The following SEMA6A variants were observed in gnomAD, a reference collection of about 807,000 sequenced individuals.
SEMA6A encodes semaphorin-6A.
Under a neutral mutation model 96.8 loss-of-function variants are expected in SEMA6A, and 25 were observed. The observed-to-expected ratio is 0.26, with a 90% confidence interval of 0.19 to 0.36. The LOEUF (loss-of-function observed/expected upper bound fraction) is 0.36. Among genes scored for constraint, SEMA6A ranks in the 10% least tolerant of loss-of-function variants. SEMA6A has a pLI of 1.00. For missense variants in SEMA6A, 1,363 were observed against 1,323.1 expected (o/e 1.03, Z -0.47); for synonymous variants, 612 against 518.0 (o/e 1.18, Z -2.46).
rs745915422 is a variant in SEMA6A, at chr5:116,504,932, C to T, written c.13G>A (p.Ala5Thr). The change falls in exon 2 of 19, where the codon GCC (alanine) becomes ACC (threonine). Residue 5 changes from alanine (A) to threonine (T), a missense_variant. Ala to Thr is a moderately conservative substitution (Grantham distance 58). Coordinates refer to ENST00000343348, the MANE Select transcript of SEMA6A (RefSeq NM_020796.5). ...AGCAGTGTGAAATATAGCAGCAAGG[C>T]TTCTGACCTCATAGTAGTTCAGCGG... MRSE[A>T]LLLYFTLLHF... The T allele has an allele frequency of 8.1e-6, 13 of 1,595,832 alleles. No homozygotes were observed. The highest frequency in any genetic ancestry group is 1.1e-5 in the Non-Finnish European group (13 of 1,170,904).
chr5:116,507,691 A>T (rs1050000338), intron 1 of SEMA6A, among the ~76,000 whole-genome samples: 4 of 152,226 alleles, frequency 2.6e-5, no homozygotes, highest in African/African-American at 9.6e-5. Context: ...TATAACTTAG[A>T]CTTAAGCAGC....
intron 18 of SEMA6A, among the ~76,000 whole-genome samples, chr5:116,460,717 T>A (rs770146048): frequency 1.3e-5 from 2 of 152,110 alleles, no homozygotes; most frequent in Non-Finnish European, 2.9e-5. Context: ...AACAGTGTGC[T>A]TTAAATGACT....
At chr5:116,462,522 C>A (rs7704579) in intron 18 of SEMA6A, among the ~76,000 whole-genome samples, 6 of 151,946 alleles carry the variant, frequency 3.9e-5, no homozygotes, top group African/African-American at 1.5e-4. Flanking sequence ...CTTAACAAGC[C>A]TAGAGTGGCT....
intron 3 of SEMA6A, among the ~76,000 whole-genome samples, chr5:116,501,440 T>G (rs556532698): frequency 1.2e-4 from 18 of 152,182 alleles, no homozygotes; most frequent in Non-Finnish European, 2.5e-4. Flanking sequence ...GAAATATATA[T>G]AATGCTTTCT....
intron 5 of SEMA6A, chr5:116,496,031 A>G: frequency 2.1e-6 from 1 of 485,848 alleles, no homozygotes; most frequent in South Asian, 2.2e-5. Flanking sequence ...TGTGCGCCTA[A>G]GTAGTTCATG....
chr5:116,455,167 G>A (rs1754930378), intron 18 of SEMA6A, among the ~76,000 whole-genome samples: 2 of 152,144 alleles, frequency 1.3e-5, no homozygotes, highest in Admixed American at 6.6e-5. Flanking sequence ...TTTTCCCTGT[G>A]TGCTGGGAAC....
At chr5:116,486,642 G>T in intron 10 of SEMA6A, 107 bp downstream of exon 10, 1 of 866,370 alleles carries the variant, frequency 1.2e-6, no homozygotes, top group Non-Finnish European at 1.9e-6. Flanking sequence ...TACACACAAT[G>T]AATGCAATTT....
chr5:116,554,142 A>C (rs991440870), intron 1 of SEMA6A, among the ~76,000 whole-genome samples: 3 of 152,196 alleles, frequency 2.0e-5, no homozygotes. Context: ...TGCATTGTAA[A>C]ACTACATCCT....
In SEMA6A at chr5:116,482,473, T is replaced by C. The variant is rs974820017; in HGVS notation, c.1065A>G (p.Pro355=). 6.2e-7 allele frequency: 1 copy of C among 1,613,402 alleles called. No individual in the cohort carries two copies. The highest frequency in any genetic ancestry group is 8.5e-7 in the Non-Finnish European group (1 of 1,179,640). ...EQKSPDSTWT[P]VPDERVPKPR... ...GCTTAGGAACTCGTTCATCAGGAACTGGTGTCCAGGTGGAATCAGGAGACT... is the reference window on the plus strand; with the variant it reads ...GCTTAGGAACTCGTTCATCAGGAACCGGTGTCCAGGTGGAATCAGGAGACT... Residue 355 remains proline (P), a synonymous_variant, in exon 11 of 19, where the codon CCA becomes CCG. Coordinates refer to ENST00000343348, the MANE Select transcript of SEMA6A (RefSeq NM_020796.5).
At chr5:116,454,387 G>A (rs977382501) in intron 18 of SEMA6A, among the ~76,000 whole-genome samples, 2 of 152,096 alleles carry the variant, frequency 1.3e-5, no homozygotes, top group African/African-American at 4.8e-5. Flanking sequence ...CAACTTGAGT[G>A]AATGGAATCT....
intron 18 of SEMA6A, among the ~76,000 whole-genome samples, chr5:116,464,715 G>A (rs188543638): frequency 2.0e-5 from 3 of 152,262 alleles, no homozygotes; most frequent in Admixed American, 1.3e-4. Flanking sequence ...TGTGAGGGAC[G>A]CACAGGATTA....
chr5:116,525,598 G>A (rs1033722838), intron 1 of SEMA6A, among the ~76,000 whole-genome samples: 4 of 152,118 alleles, frequency 2.6e-5, no homozygotes, highest in African/African-American at 9.7e-5. Context: ...AGCCTTCTGT[G>A]TCTTGCACTG....
At chr5:116,460,878 C>T (rs1755353135) in intron 18 of SEMA6A, among the ~76,000 whole-genome samples, 1 of 151,254 alleles carries the variant, frequency 6.6e-6, no homozygotes, top group Non-Finnish European at 1.5e-5. Context: ...CTCCACCTCC[C>T]TGGTTCAAGT....
chr5:116,563,309 A>G (rs1760892856), intron 1 of SEMA6A, among the ~76,000 whole-genome samples: 1 of 152,182 alleles, frequency 6.6e-6, no homozygotes, highest in South Asian at 2.1e-4. Context: ...AAAATTAGGA[A>G]TGGTTCCTCT....
chr5:116,505,459 GCA>G (rs35083865), intron 1 of SEMA6A, among the ~76,000 whole-genome samples: 68 of 127,904 alleles, frequency 5.3e-4, no homozygotes, highest in South Asian at 1.7e-3. Context: ...ACACGCACGC[GCA>G]CACACACACA....
At chr5:116,482,109 C>A (rs962480678) in intron 11 of SEMA6A, among the ~76,000 whole-genome samples, 16 of 151,778 alleles carry the variant, frequency 1.1e-4, no homozygotes, top group Non-Finnish European at 2.2e-4. Flanking sequence ...CAGCGGAAAT[C>A]ACCACCCCCA....
intron 18 of SEMA6A, among the ~76,000 whole-genome samples, chr5:116,462,225 C>T (rs1219081401): frequency 6.6e-6 from 1 of 152,090 alleles, no homozygotes; most frequent in African/African-American, 2.4e-5. Context: ...TAACTATACT[C>T]ACCTAAAATG....
chr5:116,573,172 G>GC (rs1327761442), intron 1 of SEMA6A, among the ~76,000 whole-genome samples: 1 of 152,202 alleles, frequency 6.6e-6, no homozygotes, highest in Non-Finnish European at 1.5e-5. Flanking sequence ...GGTGGGCACT[G>GC]CCCGGCTTAC....
At chr5:116,537,352 C>T (rs764779286) in intron 1 of SEMA6A, among the ~76,000 whole-genome samples, 1 of 152,164 alleles carries the variant, frequency 6.6e-6, no homozygotes, top group Non-Finnish European at 1.5e-5. Flanking sequence ...CACATGGATA[C>T]TTCATCAGAT....
Sources: gnomAD v4.1 joint callset for allele counts (sites outside exome capture counted in the v4.1 genomes callset) on GRCh38, gnomAD v4.1.1 for gene constraint, MANE v1.5 for transcripts, NCBI Gene and HGNC (gene_info 2026-07-23, HGNC 2026-07-21) for gene names.